The following WLS variants were observed in gnomAD, a reference collection of about 807,000 sequenced individuals.
WLS encodes Wnt ligand secretion mediator, also known as protein wntless homolog.
WLS carries 23 observed loss-of-function variants against 62.8 expected under a neutral mutation model. The observed-to-expected ratio is 0.37, with a 90% CI of 0.26 to 0.52. The LOEUF is 0.52. Among genes scored for constraint, WLS ranks in the 20% least tolerant of loss-of-function variants. WLS has a pLI of 0.92. For missense variants in WLS, 615 were observed against 697.3 expected (o/e 0.88, Z 1.33); for synonymous variants, 246 against 244.1 (o/e 1.01, Z -0.07).
intron 2 of WLS, among the ~76,000 whole-genome samples, chr1:68,168,329 C>A (rs184377677): frequency 1.3e-5 from 2 of 152,164 alleles, no homozygotes; most frequent in Admixed American, 1.3e-4. Context: ...CAGGATAGTA[C>A]AAAGTGTATA....
intron 2 of WLS, chr1:68,162,293 G>C: frequency 5.6e-6 from 9 of 1,607,848 alleles, no homozygotes; most frequent in Non-Finnish European, 7.7e-6. Flanking sequence ...GCGTTCACAA[G>C]GAATGCTCCC....
intron 11 of WLS, among the ~76,000 whole-genome samples, chr1:68,113,780 T>C (rs188317782): frequency 4.6e-5 from 7 of 152,154 alleles, no homozygotes; most frequent in African/African-American, 1.7e-4. Context: ...CCAGGTGAAC[T>C]GTCCGCAGGG....
At chr1:68,162,661 T>C (rs1646996492) in intron 2 of WLS, 14 of 1,238,978 alleles carry the variant, frequency 1.1e-5, no homozygotes, top group Middle Eastern at 1.9e-4. Flanking sequence ...CTGGTACAGA[T>C]TGAGGATGTG....
Position 68,148,198 on chromosome 1 carries a change from C to A in WLS, c.1072G>T (p.Gly358Trp). The A allele has an allele frequency of 6.2e-7, 1 of 1,614,168 alleles. No homozygotes were observed. The highest frequency in any genetic ancestry group is 8.5e-7 in the Non-Finnish European group (1 of 1,180,000). Residue 358 changes from glycine to tryptophan, a missense_variant and splice_region_variant, in exon 8 of 12, where the codon GGG becomes TGG. Physicochemically the swap from Gly to Trp is radical, Grantham distance 184 (BLOSUM62 -2). Transcript: ENST00000262348. The stretch of plus-strand genomic sequence containing the variant: ...TAGAAGGGATTCGTGAGTTGTACCC[C>A]TCTACAAAGAAAATGAGATGGAAAG... ...CLFIFDMCERGVQLTNPFYSI... is the reference protein window; with the variant it reads ...CLFIFDMCERWVQLTNPFYSI...
intron 11 of WLS, among the ~76,000 whole-genome samples, chr1:68,100,350 TC>T (rs905529397): frequency 1.1e-4 from 17 of 152,104 alleles, no homozygotes; most frequent in Admixed American, 7.9e-4. Flanking sequence ...TCCCAGAGTG[TC>T]CACAGGTTCC....
At chr1:68,221,107 T>C (rs1897173) in intron 1 of WLS, among the ~76,000 whole-genome samples, 16,582 of 152,216 alleles carry the variant, frequency 0.11, 1,180 homozygotes, top group East Asian at 0.37. Flanking sequence ...AATTATCTTT[T>C]TTTTCTCTTT....
rs201036902 is a variant in WLS at position 68,161,130 on chromosome 1, CT to C, written c.380-1884del. Among the ~76,000 whole-genome samples, 245 of 151,564 alleles carry C rather than the reference CT, an allele frequency of 1.6e-3. 2 individuals carry two copies. The highest frequency in any genetic ancestry group is 5.7e-3 in the African/African-American group (234 of 41,314). On this transcript the variant is annotated intron_variant, in intron 2 of 11. Coordinates refer to ENST00000262348, the MANE Select transcript of WLS (RefSeq NM_024911.7). ...TACAAACAGCTTGTGAAAGTTAATA[CT>C]TTTTTTTTGCATCAGAGGGTTTTTA...
At chr1:68,214,793 G>A (rs1649662826) in intron 1 of WLS, among the ~76,000 whole-genome samples, 1 of 152,192 alleles carries the variant, frequency 6.6e-6, no homozygotes, top group Non-Finnish European at 1.5e-5. Flanking sequence ...AGATAAAGCA[G>A]TCTTCTAGTG....
At chr1:68,199,838 G>A (rs1648902949) in intron 1 of WLS, among the ~76,000 whole-genome samples, 1 of 152,188 alleles carries the variant, frequency 6.6e-6, no homozygotes, top group South Asian at 2.1e-4. Flanking sequence ...TCTGCTGGAA[G>A]GAGGCGGAGT....
At chr1:68,166,037 G>A (rs1570933338) in intron 2 of WLS, among the ~76,000 whole-genome samples, 1 of 152,142 alleles carries the variant, frequency 6.6e-6, no homozygotes, top group East Asian at 1.9e-4. Flanking sequence ...GATCCTCAAA[G>A]GAAAAACTAT....
At chr1:68,145,155 C>A (rs1338932301) in intron 9 of WLS, among the ~76,000 whole-genome samples, 1 of 152,192 alleles carries the variant, frequency 6.6e-6, no homozygotes, top group Non-Finnish European at 1.5e-5. Flanking sequence ...ACCTGTGTTT[C>A]AGAGAGGGAG....
chr1:68,131,193 G>A (rs1179679624), intron 11 of WLS, among the ~76,000 whole-genome samples: 1 of 145,418 alleles, frequency 6.9e-6, no homozygotes, highest in Non-Finnish European at 1.5e-5. Context: ...TTACAGGCGT[G>A]AGCCACCGCA....
chr1:68,227,767 C>A (rs1480203082), intron 1 of WLS, among the ~76,000 whole-genome samples: 1 of 152,102 alleles, frequency 6.6e-6, no homozygotes, highest in East Asian at 1.9e-4. Context: ...AGATTCTTGT[C>A]AAGATTCTCA....
intron 1 of WLS, among the ~76,000 whole-genome samples, chr1:68,199,265 A>G (rs1372910066): frequency 1.4e-4 from 22 of 152,208 alleles, no homozygotes; most frequent in Admixed American, 1.2e-3. Flanking sequence ...ACAGAGACGA[A>G]TGGCCTCCCA....
At chr1:68,116,462 G>A (rs1208296282) in intron 11 of WLS, among the ~76,000 whole-genome samples, 3 of 152,314 alleles carry the variant, frequency 2.0e-5, no homozygotes, top group East Asian at 1.9e-4. Flanking sequence ...GGTGACAGGC[G>A]CAGCAGGAGC....
chr1:68,204,327 A>AT lies in WLS; in HGVS notation c.107-10101dup, dbSNP rs576342968. Among the ~76,000 whole-genome samples the AT allele has an allele frequency of 8.4e-3, 1,244 of 148,682 alleles. 14 individuals are homozygous for AT. The highest frequency in any genetic ancestry group is 0.012 in the Non-Finnish European group (778 of 66,874). ...TTCTTAGGAATTATTATTATTATTA[A>AT]TTTTTTTTTTTAGACGGAGTCTCGC... On this transcript the variant is annotated intron_variant, in intron 1 of 11. Coordinates refer to ENST00000262348, the MANE Select transcript of WLS (RefSeq NM_024911.7).
At chr1:68,180,083 C>T (rs560065994) in intron 2 of WLS, among the ~76,000 whole-genome samples, 11 of 152,072 alleles carry the variant, frequency 7.2e-5, no homozygotes, top group African/African-American at 2.7e-4. Flanking sequence ...AGACAAGCAA[C>T]AGCATCTCTA....
chr1:68,143,804 G>A (rs1250526262), intron 10 of WLS, among the ~76,000 whole-genome samples: 1 of 152,120 alleles, frequency 6.6e-6, no homozygotes, highest in Non-Finnish European at 1.5e-5. Flanking sequence ...GCAACCTTCT[G>A]TGGTTCTATT....
intron 11 of WLS, among the ~76,000 whole-genome samples, chr1:68,104,059 GA>G (rs1314503901): frequency 1.3e-5 from 2 of 152,102 alleles, no homozygotes; most frequent in Non-Finnish European, 2.9e-5. Flanking sequence ...GAACTATCCA[GA>G]CCGTTGAAGA....
Sources: gnomAD v4.1 joint callset for allele counts (sites outside exome capture counted in the v4.1 genomes callset) on GRCh38, gnomAD v4.1.1 for gene constraint, MANE v1.5 for transcripts, NCBI Gene and HGNC (gene_info 2026-07-23, HGNC 2026-07-21) for gene names.